Variants in ADTRP observed in about 807,000 individuals in gnomAD.
ADTRP encodes androgen-dependent TFPI-regulating protein.
ADTRP carries 20 observed loss-of-function variants against 27.0 expected under a neutral mutation model. The observed-to-expected ratio is 0.74, with a 90% CI of 0.52 to 1.08. The LOEUF (loss-of-function observed/expected upper bound fraction) is 1.08. Ranked by LOEUF, ADTRP falls within the 50% of genes least tolerant of loss-of-function variation. The probability of loss-of-function intolerance (pLI) is 0.00; values close to 1 mark genes in which losing one functional copy is unlikely to be tolerated. For synonymous variants in ADTRP, 101 were observed against 105.2 expected, an observed-to-expected ratio of 0.96 and a Z score of 0.25; for missense variants, 251 against 275.0, an observed-to-expected ratio of 0.91 and a Z score of 0.62.
intron 1 of ADTRP, chr6:11,769,993 C>A: frequency 6.5e-7 from 1 of 1,549,478 alleles, no homozygotes; most frequent in South Asian, 1.2e-5. Flanking sequence ...TCATTAGACT[C>A]CCCCGCCCAC....
intron 4 of ADTRP, among the ~76,000 whole-genome samples, chr6:11,724,728 C>T (rs188940318): frequency 6.6e-6 from 1 of 152,214 alleles, no homozygotes; most frequent in Non-Finnish European, 1.5e-5. Flanking sequence ...TTTCATCAAC[C>T]TTTCTGTCCC....
chr6:11,733,877 CA>C (rs1202099522), intron 4 of ADTRP, among the ~76,000 whole-genome samples: 1 of 152,150 alleles, frequency 6.6e-6, no homozygotes, highest in Non-Finnish European at 1.5e-5. Context: ...CAATTTTCCC[CA>C]ATAACAGCAG....
In ADTRP at chr6:11,778,679, T is replaced by C. The variant is rs751855643; in HGVS notation, c.81A>G (p.Glu27=). 40 of 1,614,130 alleles carry C rather than the reference T, an allele frequency of 2.5e-5. No individual in the cohort carries two copies. The highest frequency in any genetic ancestry group is 3.3e-5 in the Non-Finnish European group (39 of 1,180,052). Residue 27 remains glutamate (E), a synonymous_variant, in exon 1 of 6, where the codon GAA becomes GAG. Transcript: ENST00000414691. The part of the protein sequence containing the change: ...YTFLNYYISQ[E]GKDEVKPKIL... ...TTTTGGGTTTCACCTCGTCTTTTCCTTCCTGTGAGATGTAATAATTGAGGA... is the reference window on the plus strand; with the variant it reads ...TTTTGGGTTTCACCTCGTCTTTTCCCTCCTGTGAGATGTAATAATTGAGGA...
chr6:11,766,261 T>C lies in ADTRP; in HGVS notation c.390+13A>G. The C allele has an allele frequency of 3.8e-6, 6 of 1,591,188 alleles. No individual in the cohort carries two copies. Among genetic ancestry groups the C allele is most frequent in the Non-Finnish European group, 5.2e-6 (6 of 1,163,736 alleles). On this transcript the variant is annotated intron_variant, in intron 3 of 5. Coordinates refer to ENST00000414691, the MANE Select transcript of ADTRP (RefSeq NM_032744.4). ...TTGGTGTTCTGAGTTCACTGAATTT[T>C]CCCCTCACTCACCATTGCATGATTC...
chr6:11,718,193 A>G (rs569781752), intron 5 of ADTRP, among the ~76,000 whole-genome samples: 8 of 152,332 alleles, frequency 5.3e-5, no homozygotes, highest in African/African-American at 1.9e-4. Context: ...AGAAGGACCT[A>G]TGGTCTTAGG....
At chr6:11,759,342 T>C (rs1298890474) in intron 3 of ADTRP, among the ~76,000 whole-genome samples, 1 of 152,206 alleles carries the variant, frequency 6.6e-6, no homozygotes, top group East Asian at 1.9e-4. Flanking sequence ...TCACTACTTA[T>C]CAATATCCTT....
rs369938183 is a variant in ADTRP, at chr6:11,744,638, C to G, written c.391-8955G>C. 1.3e-3 allele frequency among the ~76,000 whole-genome samples: 197 copies of G among 152,320 alleles called. 3 individuals are homozygous for G. In the South Asian group the frequency reaches 0.039, roughly 30 times the overall value. The stretch of plus-strand genomic sequence containing the variant: ...TTTGCTTGGTATCTCCTCCATGCCC[C>G]TCCTCTTCATCAATCTGTAATTCAC... On this transcript the variant is annotated intron_variant, in intron 3 of 5. Coordinates refer to ENST00000414691, the MANE Select transcript of ADTRP (RefSeq NM_032744.4).
intron 1 of ADTRP, among the ~76,000 whole-genome samples, chr6:11,769,100 T>C (rs1763673321): frequency 1.3e-5 from 2 of 152,272 alleles, no homozygotes; most frequent in African/African-American, 4.8e-5. Flanking sequence ...AGTAATACGA[T>C]ATGGAAGGCA....
intron 3 of ADTRP, among the ~76,000 whole-genome samples, chr6:11,746,422 T>A (rs1561758313): frequency 6.6e-6 from 1 of 152,116 alleles, no homozygotes; most frequent in East Asian, 1.9e-4. Context: ...GTCTTTGTGG[T>A]GGGGGGTAGG....
intron 3 of ADTRP, among the ~76,000 whole-genome samples, chr6:11,744,210 G>C (rs1762799879): frequency 6.6e-6 from 1 of 152,130 alleles, no homozygotes; most frequent in African/African-American, 2.4e-5. Context: ...CATCTCCCTT[G>C]CTTTCTGCCA....
At chr6:11,773,962 C>A (rs1016299395) in intron 1 of ADTRP, among the ~76,000 whole-genome samples, 1 of 152,168 alleles carries the variant, frequency 6.6e-6, no homozygotes, top group Non-Finnish European at 1.5e-5. Context: ...TATTGAAGTG[C>A]ATCTTTGTGA....
intron 5 of ADTRP, among the ~76,000 whole-genome samples, chr6:11,721,807 C>A (rs182487173): frequency 3.3e-5 from 5 of 151,954 alleles, no homozygotes; most frequent in African/African-American, 1.2e-4. Context: ...TTGTTAAGAA[C>A]GTTGTATTGA....
intron 5 of ADTRP, among the ~76,000 whole-genome samples, chr6:11,722,236 C>T (rs139014847): frequency 1.3e-4 from 20 of 152,100 alleles, no homozygotes; most frequent in African/African-American, 2.7e-4. Context: ...GAATTTTGCC[C>T]TTGAGAGTTT....
chr6:11,768,339 C>T lies in ADTRP; in HGVS notation c.198G>A (p.Val66=). 2.5e-6 allele frequency: 4 copies of T among 1,614,214 alleles called. No individual in the cohort carries two copies. Among genetic ancestry groups the T allele is most frequent in the South Asian group, 2.2e-5 (2 of 91,082 alleles). Reference sequence around the variant, plus strand: ...CTTTTCCCCCTTTGGTTCTTTTCAGCACATCATCCAGGCAGGTGACCCCGT... The same window carrying T: ...CTTTTCCCCCTTTGGTTCTTTTCAGTACATCATCCAGGCAGGTGACCCCGT... ...IFYGVTCLDD[V]LKRTKGGKDI... is the part of the protein sequence containing the mutation. Residue 66 remains valine (V), a synonymous_variant, in exon 2 of 6, where the codon GTG becomes GTA. Transcript: ENST00000414691.
At chr6:11,760,158 C>T (rs1449749575) in intron 3 of ADTRP, among the ~76,000 whole-genome samples, 2 of 152,164 alleles carry the variant, frequency 1.3e-5, no homozygotes, top group African/African-American at 2.4e-5. Context: ...TGTTCTCTCA[C>T]CTTGTTTATT....
At chr6:11,776,625 T>C (rs1002321149) in intron 1 of ADTRP, among the ~76,000 whole-genome samples, 1 of 152,190 alleles carries the variant, frequency 6.6e-6, no homozygotes, top group Non-Finnish European at 1.5e-5. Flanking sequence ...TTCCCAATGT[T>C]CTATGAAAGA....
intron 1 of ADTRP, among the ~76,000 whole-genome samples, chr6:11,772,055 T>TTA: frequency 6.6e-6 from 1 of 152,244 alleles, no homozygotes; most frequent in Non-Finnish European, 1.5e-5. Flanking sequence ...CTTTTGAGAC[T>TTA]CTTACAACAA....
chr6:11,772,714 C>T (rs937531439), intron 1 of ADTRP, among the ~76,000 whole-genome samples: 3 of 152,168 alleles, frequency 2.0e-5, no homozygotes, highest in African/African-American at 7.2e-5. Flanking sequence ...CAATTGGGGG[C>T]TGTGATGAGT....
intron 3 of ADTRP, among the ~76,000 whole-genome samples, chr6:11,739,218 G>A (rs1762640938): frequency 6.6e-6 from 1 of 152,178 alleles, no homozygotes; most frequent in African/African-American, 2.4e-5. Flanking sequence ...TACAAACAGT[G>A]AAGCTGACAA....
Sources: gnomAD v4.1 joint callset for allele counts (sites outside exome capture counted in the v4.1 genomes callset) on GRCh38, gnomAD v4.1.1 for gene constraint, MANE v1.5 for transcripts, NCBI Gene and HGNC (gene_info 2026-07-23, HGNC 2026-07-21) for gene names.